ZNF75D: variants seen among roughly 807,000 people sequenced by gnomAD.
The protein encoded by ZNF75D is zinc finger protein 75.
In ZNF75D, 33 loss-of-function variants were observed where a neutral mutation model predicts 33.3. The observed-to-expected ratio is 0.99, with a 90% CI of 0.75 to 1.32. The LOEUF (loss-of-function observed/expected upper bound fraction) is 1.32, where lower values mean the gene tolerates loss of function less well. ZNF75D is among the 40% of genes most tolerant of loss of function. The pLI, the probability that ZNF75D is intolerant of heterozygous loss-of-function variation, is 0.00. For synonymous variants in ZNF75D, 113 were observed against 130.6 expected (o/e 0.87, Z 0.92); for missense variants, 338 against 367.5 (o/e 0.92, Z 0.66).
At chrX:135,274,671 G>A (rs1556417374) in intron 1 of ZNF75D, among the ~76,000 whole-genome samples, 1 of 112,190 alleles carries the variant, frequency 8.9e-6, no homozygotes, top group Non-Finnish European at 1.9e-5. Context: ...GTATACAGAA[G>A]TAATCTAGAT....
intron 1 of ZNF75D, among the ~76,000 whole-genome samples, chrX:135,262,453 T>C (rs2083846457): frequency 8.9e-6 from 1 of 112,573 alleles, no homozygotes; most frequent in African/African-American, 3.2e-5. Context: ...ATTTGGTCTT[T>C]TCACATAGTC....
At chrX:135,256,309 T>C (rs1447679250) in intron 1 of ZNF75D, among the ~76,000 whole-genome samples, 1 of 96,185 alleles carries the variant, frequency 1.0e-5, no homozygotes, top group Non-Finnish European at 2.1e-5. Context: ...GTCTGTGCAC[T>C]TTGGGGAGGG....
At chrX:135,257,408 T>C (rs1430690980) in intron 1 of ZNF75D, among the ~76,000 whole-genome samples, 1 of 112,982 alleles carries the variant, frequency 8.9e-6, no homozygotes, top group Admixed American at 9.3e-5. Flanking sequence ...GTGGTGATGG[T>C]GGCCACAGGG....
At chrX:135,338,963 G>A (rs1292025878) in intron 1 of ZNF75D, among the ~76,000 whole-genome samples, 5 of 97,861 alleles carry the variant, frequency 5.1e-5, no homozygotes, top group Non-Finnish European at 1.0e-4. Context: ...TCTTCTCCTT[G>A]CTTTTCTCCT....
chrX:135,253,729 C>T (rs1469764737), intron 2 of ZNF75D: 10 of 222,239 alleles, frequency 4.5e-5, no homozygotes, highest in African/African-American at 3.0e-4. Flanking sequence ...TCATGCTGCA[C>T]ACCAGATCTC....
At chrX:135,336,167 CTGAG>C (rs1454448427) in intron 1 of ZNF75D, among the ~76,000 whole-genome samples, 1 of 111,007 alleles carries the variant, frequency 9.0e-6, no homozygotes, top group Non-Finnish European at 1.9e-5. Flanking sequence ...TTTAAGAGGC[CTGAG>C]TGAGTCCCCT....
At chrX:135,334,805 C>T (rs905423643) in intron 1 of ZNF75D, among the ~76,000 whole-genome samples, 1 of 111,708 alleles carries the variant, frequency 9.0e-6, no homozygotes, top group African/African-American at 3.3e-5. Flanking sequence ...ATTTATTATA[C>T]ATGTGCATGC....
intron 1 of ZNF75D, among the ~76,000 whole-genome samples, chrX:135,321,310 A>T (rs1279285128): frequency 8.9e-6 from 1 of 112,428 alleles, no homozygotes; most frequent in East Asian, 2.8e-4. Flanking sequence ...TTTCCAACCC[A>T]TGAATTTTGG....
Position 135,285,894 on chromosome X carries a change from TA to T in ZNF75D, c.*1242del, listed in dbSNP as rs2148466068. The T allele has an allele frequency of 8.9e-6, 1 of 112,625 alleles. No individual in the cohort carries two copies. The highest frequency in any genetic ancestry group is 3.7e-4 in the South Asian group (1 of 2,722). The allele number at this position is 112,625 out of a possible 1,213,427, so 9.3% of individuals were successfully genotyped here. A position where few individuals can be genotyped will look rare whatever the true frequency, so the allele number is the denominator to read the frequency against. Reference sequence around the variant, plus strand: ...GGAATACTAAATAAACATATATAAATAAGCCTTGGCCAACATTATAAACCAG... The same window carrying T: ...GGAATACTAAATAAACATATATAAATAGCCTTGGCCAACATTATAAACCAG... On this transcript the variant is annotated 3_prime_UTR_variant, in exon 7 of 7. Coordinates refer to ENST00000370766, the MANE Select transcript of ZNF75D (RefSeq NM_007131.5).
chrX:135,301,189 A>G (rs1398164182), intron 1 of ZNF75D, among the ~76,000 whole-genome samples: 1 of 111,595 alleles, frequency 9.0e-6, no homozygotes, highest in Non-Finnish European at 1.9e-5. Flanking sequence ...CTCACTCACT[A>G]TCACGAGAAC....
At chrX:135,319,220 A>C (rs782628255) in intron 1 of ZNF75D, among the ~76,000 whole-genome samples, 10 of 112,621 alleles carry the variant, frequency 8.9e-5, no homozygotes, top group Non-Finnish European at 1.9e-5. Context: ...TAGAATACCT[A>C]CTATTGAGTT....
intron 1 of ZNF75D, among the ~76,000 whole-genome samples, chrX:135,317,464 T>C (rs1290269269): frequency 2.7e-5 from 3 of 111,176 alleles, no homozygotes; most frequent in Non-Finnish European, 5.7e-5. Flanking sequence ...GTAGCTTACT[T>C]GGATGCCAGT....
Position 135,290,992 on chromosome X carries a change from G to T in ZNF75D, c.823+17C>A, listed in dbSNP as rs371652228. The T allele has an allele frequency of 8.3e-7, 1 of 1,201,043 alleles. No individual in the cohort carries two copies. Among genetic ancestry groups the T allele is most frequent in the African/African-American group, 1.7e-5 (1 of 57,532 alleles). ...ATATTACTTAACTTCTACACAATGG[G>T]AAGGAAGAATCTTTACCTAGAGAGA... On this transcript the variant is annotated intron_variant, in intron 6 of 6. Transcript: ENST00000370766.
intron 1 of ZNF75D, among the ~76,000 whole-genome samples, chrX:135,299,104 A>T (rs181562549): frequency 7.4e-4 from 83 of 112,188 alleles, no homozygotes; most frequent in African/African-American, 2.5e-3. Flanking sequence ...TTTGTGGACA[A>T]ATTTTGTGTG....
At chrX:135,337,446 CCACT>C (rs140486881) in intron 1 of ZNF75D, among the ~76,000 whole-genome samples, 26,664 of 110,800 alleles carry the variant, frequency 0.24, 2,695 homozygotes, top group South Asian at 0.43. Flanking sequence ...CCAGAGAGAA[CCACT>C]CAAATTTTTA....
chrX:135,317,232 A>C (rs1255745590), intron 1 of ZNF75D, among the ~76,000 whole-genome samples: 3 of 111,813 alleles, frequency 2.7e-5, no homozygotes, highest in Non-Finnish European at 5.6e-5. Context: ...CTTTGGCTAT[A>C]AACAGTGTCA....
chrX:135,270,352 CATATATATATATATATATATAT>C lies in ZNF75D; in HGVS notation n.828-14597_828-14576del, dbSNP rs530211370. On this transcript the variant is annotated intron_variant and non_coding_transcript_variant, in intron 1 of 3. Coordinates refer to the ZNF75D transcript ENST00000494295. ...ATTGCAGGCCTCTACCAAAATATCT[CATATATATATATATATATATAT>C]ATATATATATATATATATACACATA... Among the ~76,000 whole-genome samples the C allele has an allele frequency of 7.4e-4, 47 of 63,504 alleles. 2 individuals carry two copies. Among genetic ancestry groups the C allele is most frequent in the Middle Eastern group, 0.011 (1 of 89 alleles). 55.1% of individuals were successfully genotyped at this position (63,504 alleles called of 115,157 possible).
intron 1 of ZNF75D, chrX:135,298,668 T>A (rs927173422): frequency 1.3e-4 from 15 of 111,980 alleles, no homozygotes; most frequent in Non-Finnish European, 2.8e-4. Context: ...CAGTGTTTTT[T>A]AAATATACTC....
rs1217540528 is a variant in ZNF75D, at chrX:135,343,216, G to A, written c.-1839C>T. ...AACCCTATGAATAAAGGGGAGGCTG[G>A]GCCTCCTTGAGGAAGATGGCAGATA... On this transcript the variant is annotated 5_prime_UTR_variant, in exon 1 of 7. Transcript: ENST00000370766. The A allele has an allele frequency of 8.9e-6, 1 of 112,552 alleles. No individual in the cohort carries two copies. The highest frequency in any genetic ancestry group is 3.2e-5 in the African/African-American group (1 of 30,955). The allele number at this position is 112,552 out of a possible 1,213,427, so 9.3% of individuals were successfully genotyped here.
Sources: allele counts gnomAD v4.1 joint callset (sites outside exome capture counted in the v4.1 genomes callset), GRCh38; gene constraint gnomAD v4.1.1; transcripts MANE v1.5; gene names NCBI Gene and HGNC (gene_info 2026-07-23, HGNC 2026-07-21).